The following TTC23 variants were observed in gnomAD, a reference collection of about 807,000 sequenced individuals.
The protein encoded by TTC23 is tetratricopeptide repeat protein 23.
TTC23 carries 58 observed loss-of-function variants against 55.1 expected under a neutral mutation model. The ratio of observed to expected loss-of-function variants is 1.05; its 90% confidence interval spans 0.85 to 1.31. The LOEUF (loss-of-function observed/expected upper bound fraction) is 1.31, where lower values mean the gene tolerates loss of function less well. Among genes scored for constraint, TTC23 ranks in the 50% most tolerant of loss-of-function variants. The pLI is 0.00. For synonymous variants in TTC23, 203 were observed against 199.9 expected (o/e 1.02, Z -0.13); for missense variants, 516 against 534.4 (o/e 0.97, Z 0.34).
chr15:99,216,009 G>C (rs1008384817), intron 8 of TTC23, among the ~76,000 whole-genome samples: 2 of 152,102 alleles, frequency 1.3e-5, no homozygotes, highest in Non-Finnish European at 2.9e-5. Flanking sequence ...GGACAAAAAA[G>C]GACAAGGTCA....
At chr15:99,204,148 C>T (rs1309342767) in intron 8 of TTC23, among the ~76,000 whole-genome samples, 6 of 152,182 alleles carry the variant, frequency 3.9e-5, no homozygotes, top group African/African-American at 1.4e-4. Context: ...CACATCCTCA[C>T]CAGCATCCAT....
chr15:99,194,229 AT>A (rs1325915003), intron 9 of TTC23, among the ~76,000 whole-genome samples: 1 of 152,174 alleles, frequency 6.6e-6, no homozygotes, highest in African/African-American at 2.4e-5. Flanking sequence ...TCAGGAAGTT[AT>A]TTTGTGGATA....
At chr15:99,182,252 A>T (rs201947319) in intron 9 of TTC23, among the ~76,000 whole-genome samples, 838 of 55,094 alleles carry the variant, frequency 0.015, 2 homozygotes, top group Admixed American at 0.034. Flanking sequence ...TCTCTCTCAC[A>T]CACACACACA....
rs1255188083 is a variant in TTC23, at chr15:99,137,931, T to G, written c.*79A>C. 1.3e-6 allele frequency: 2 copies of G among 1,577,862 alleles called. No individual in the cohort carries two copies. Among genetic ancestry groups the G allele is most frequent in the Admixed American group, 3.5e-5 (2 of 57,580 alleles). ...CTGTATCCTGACTGTTGAATTCCAT[T>G]TTCTAGGCGGAGGTGATTTGTACAG... is the stretch of plus-strand genomic sequence containing the variant. On this transcript the variant is annotated 3_prime_UTR_variant, in exon 14 of 14. Transcript: ENST00000394132.
At chr15:99,180,967 T>C (rs942021010) in intron 9 of TTC23, among the ~76,000 whole-genome samples, 30 of 152,166 alleles carry the variant, frequency 2.0e-4, no homozygotes, top group African/African-American at 7.0e-4. Flanking sequence ...GGAACTAACA[T>C]CGATTAAGCA....
At chr15:99,230,889 G>C (rs1351592565) in intron 4 of TTC23, among the ~76,000 whole-genome samples, 1 of 152,190 alleles carries the variant, frequency 6.6e-6, no homozygotes, top group Non-Finnish European at 1.5e-5. Context: ...TGGAACTCTA[G>C]TTCTACAAAA....
intron 8 of TTC23, among the ~76,000 whole-genome samples, chr15:99,206,338 T>C (rs141772927): frequency 5.3e-5 from 8 of 152,166 alleles, no homozygotes; most frequent in Non-Finnish European, 8.8e-5. Context: ...TGAGTTTGGA[T>C]ATACTGCTTC....
intron 8 of TTC23, among the ~76,000 whole-genome samples, chr15:99,208,441 G>A (rs1368554095): frequency 6.6e-6 from 1 of 152,074 alleles, no homozygotes; most frequent in Non-Finnish European, 1.5e-5. Flanking sequence ...TTAGTAGTGT[G>A]TATACTATTC....
At chr15:99,144,837 A>G (rs1355139815) in intron 12 of TTC23, 1 of 152,232 alleles carries the variant, frequency 6.6e-6, no homozygotes, top group Non-Finnish European at 1.5e-5. Context: ...TTCTTTATAC[A>G]CATTATCCAA....
intron 9 of TTC23, among the ~76,000 whole-genome samples, chr15:99,193,280 A>G (rs760139136): frequency 9.9e-5 from 15 of 152,224 alleles, no homozygotes; most frequent in Non-Finnish European, 1.8e-4. Context: ...GGCCGGGGGC[A>G]GAATGATATG....
chr15:99,242,237 C>T (rs767428202), intron 2 of TTC23, among the ~76,000 whole-genome samples: 2 of 150,496 alleles, frequency 1.3e-5, no homozygotes, highest in Admixed American at 6.6e-5. Flanking sequence ...TGTAAGCTAA[C>T]GCACTGGAAA....
chr15:99,163,086 AAAAC>A (rs139212554), intron 10 of TTC23, among the ~76,000 whole-genome samples: 169 of 150,276 alleles, frequency 1.1e-3, no homozygotes, highest in Middle Eastern at 6.9e-3. Flanking sequence ...CCTGTCTCAA[AAAAC>A]AAACAAACAA....
At chr15:99,233,887 A>G (rs1298693333) in intron 4 of TTC23, among the ~76,000 whole-genome samples, 2 of 152,240 alleles carry the variant, frequency 1.3e-5, no homozygotes, top group Non-Finnish European at 2.9e-5. Context: ...ACATACATGA[A>G]TAACTGATTC....
chr15:99,239,332 A>T (rs2079574553), intron 3 of TTC23, among the ~76,000 whole-genome samples: 1 of 152,084 alleles, frequency 6.6e-6, no homozygotes, highest in South Asian at 2.1e-4. Context: ...TAAAAATACA[A>T]AAATTAGCCC....
At chr15:99,201,180 A>T (rs1411833042) in intron 8 of TTC23, among the ~76,000 whole-genome samples, 1 of 151,980 alleles carries the variant, frequency 6.6e-6, no homozygotes, top group Non-Finnish European at 1.5e-5. Context: ...TAAAAATGCT[A>T]ATTTAGAAAT....
At chr15:99,190,072 T>C (rs2075097507) in intron 9 of TTC23, among the ~76,000 whole-genome samples, 1 of 151,910 alleles carries the variant, frequency 6.6e-6, no homozygotes, top group Non-Finnish European at 1.5e-5. Context: ...TCCCAGTTAC[T>C]TAAAGGGCTG....
intron 4 of TTC23, among the ~76,000 whole-genome samples, chr15:99,229,646 A>T (rs1192363917): frequency 6.6e-6 from 1 of 152,240 alleles, no homozygotes; most frequent in Non-Finnish European, 1.5e-5. Flanking sequence ...ACCCTCAAGT[A>T]TAGGGACAGA....
chr15:99,199,897 T>C (rs756613076), intron 9 of TTC23, 22 bp downstream of exon 9: 26 of 1,596,992 alleles, frequency 1.6e-5, no homozygotes, highest in Non-Finnish European at 2.1e-5. Context: ...ACAGCTTTGG[T>C]AGCCAGGACC....
At chr15:99,208,543 T>C (rs1302075970) in intron 8 of TTC23, among the ~76,000 whole-genome samples, 1 of 152,064 alleles carries the variant, frequency 6.6e-6, no homozygotes, top group African/African-American at 2.4e-5. Flanking sequence ...GCACAAAGAA[T>C]GAAGCACATC....
Sources: allele counts gnomAD v4.1 joint callset (sites outside exome capture counted in the v4.1 genomes callset), GRCh38; gene constraint gnomAD v4.1.1; transcripts MANE v1.5; gene names NCBI Gene and HGNC (gene_info 2026-07-23, HGNC 2026-07-21).